DDB1: variants seen among roughly 807,000 people sequenced by gnomAD.
DDB1 encodes damage specific DNA binding protein 1.
DDB1 carries 18 observed loss-of-function variants against 133.1 expected under a neutral mutation model. The observed-to-expected ratio is 0.14, with a 90% CI of 0.09 to 0.20. The LOEUF is 0.20. DDB1 is among the 10% of genes least tolerant of loss of function. DDB1 has a pLI of 1.00. For missense variants in DDB1, 828 were observed against 1,459.2 expected (o/e 0.57, Z 7.05); for synonymous variants, 580 against 550.5 (o/e 1.05, Z -0.75).
chr11:61,314,539 C>T (rs140553731), intron 12 of DDB1, 53 bp from the exon 13 acceptor site: 2 of 1,551,114 alleles, frequency 1.3e-6, no homozygotes, highest in Admixed American at 1.9e-5. Context: ...AGGGTCCACA[C>T]AGGAGTGGAA....
intron 21 of DDB1, among the ~76,000 whole-genome samples, chr11:61,305,438 C>T (rs1326649396): frequency 6.6e-6 from 1 of 152,164 alleles, no homozygotes; most frequent in Non-Finnish European, 1.5e-5. Flanking sequence ...ACCAGGGAGT[C>T]GGAGGTTGCA....
chr11:61,319,983 G>A (rs957559395), intron 10 of DDB1, among the ~76,000 whole-genome samples: 1 of 150,036 alleles, frequency 6.7e-6, no homozygotes, highest in African/African-American at 2.5e-5. Flanking sequence ...GTACTCCTTG[G>A]TACTTAATCA....
Position 61,316,532 on chromosome 11 carries a change from T to C in DDB1, c.1261A>G (p.Thr421Ala), listed in dbSNP as rs1383439673. The change falls in exon 11 of 27, where the codon ACT (threonine) becomes GCT (alanine). Residue 421 changes from threonine (T) to alanine (A), a missense_variant. Around this residue, in one of 7 missense-constraint regions of DDB1, gnomAD observed 396 missense variants for 554.1 expected, o/e 0.71. Coordinates refer to ENST00000301764, the MANE Select transcript of DDB1 (RefSeq NM_001923.5). ...WPLRSDPNRETDDTLVLSFVG... is the reference protein window; with the variant it reads ...WPLRSDPNREADDTLVLSFVG... ...AAAGAGAGCACCAAAGTGTCATCAG[T>C]CTCACGATTAGGGTCAGACCGCAGT... The C allele has an allele frequency of 6.2e-7, 1 of 1,614,064 alleles. No homozygotes were observed. Among genetic ancestry groups the C allele is most frequent in the African/African-American group, 1.3e-5 (1 of 75,008 alleles).
Position 61,322,995 on chromosome 11 carries a change from A to G in DDB1, c.1005+16T>C, listed in dbSNP as rs1255055843. On this transcript the variant is annotated intron_variant, in intron 8 of 26. Transcript: ENST00000301764. ...GAGTACAGCAAAAAAGAAACCAGAA[A>G]CAAGTGTCTTCTCACCTTCACAAGC... 6.2e-7 allele frequency: 1 copy of G among 1,609,204 alleles called. No homozygotes were observed. The highest frequency in any genetic ancestry group is 1.7e-5 in the Admixed American group (1 of 59,286).
At position 61,327,072 on chromosome 11, in the gene DDB1, G is replaced by A; in HGVS notation, c.550-179C>T. On this transcript the variant is annotated intron_variant, in intron 4 of 26. Transcript: ENST00000301764. ...AGCTGAGCCTGGGATGAATTCCTAG[G>A]TAGACTGCAGCATCTGAGATCTACC... 5 of 606,770 alleles carry A rather than the reference G, an allele frequency of 8.2e-6. No individual in the cohort carries two copies. In the East Asian group the frequency reaches 8.6e-5, roughly 10 times the overall value. 37.6% of individuals were successfully genotyped at this position (606,770 alleles called of 1,614,324 possible).
Position 61,300,932 on chromosome 11 carries a change from G to T in DDB1, c.3216C>A (p.Phe1072Leu). 1 of 1,614,128 alleles carries T rather than the reference G, an allele frequency of 6.2e-7. No homozygotes were observed. The highest frequency in any genetic ancestry group is 8.5e-7 in the Non-Finnish European group (1 of 1,180,024). Residue 1072 changes from phenylalanine (F) to leucine (L), a missense_variant and splice_region_variant, in exon 26 of 27, where the codon TTC (phenylalanine) becomes TTA (leucine). Physicochemically the swap from Phe to Leu is conservative, Grantham distance 22. This residue lies in a region of DDB1 where 116 missense variants were observed against 221.6 expected (regional missense o/e 0.52). Transcript: ENST00000301764. ...TCCGCTCGGTGTGAAAGGATCTCCAGGTGGATGGGTGAGTTAAGGAACACG... is the reference window on the plus strand; with the variant it reads ...TCCGCTCGGTGTGAAAGGATCTCCATGTGGATGGGTGAGTTAAGGAACACG... Reference protein sequence around the residue: ...IKSVGKIEHSFWRSFHTERKT... With the variant: ...IKSVGKIEHSLWRSFHTERKT...
chr11:61,331,549 C>T lies in DDB1; in HGVS notation c.204G>A (p.Arg68=). 6.2e-7 allele frequency: 1 copy of T among 1,614,076 alleles called. No individual in the cohort carries two copies. Among genetic ancestry groups the T allele is most frequent in the Admixed American group, 1.7e-5 (1 of 60,012 alleles). Residue 68 remains arginine (R), a synonymous_variant, in exon 2 of 27, where the codon AGG becomes AGA. Transcript: ENST00000301764. ...TCCCAACTGCAACACTTACCTTGGG[C>T]CTGAAAAGCTCCATGACCGCAATCT... ...YGKIAVMELF[R]PKGESKDLLF...
chr11:61,302,187 T>C, intron 25 of DDB1, 70 bp downstream of exon 25: 2 of 1,315,876 alleles, frequency 1.5e-6, no homozygotes, highest in Admixed American at 3.4e-5. Context: ...AGCTTCCGGG[T>C]AATGTGACTC....
rs144614651 is a variant in DDB1, at chr11:61,306,270, C to T, written c.2662-2235G>A. On this transcript the variant is annotated intron_variant, in intron 21 of 26. Coordinates refer to ENST00000301764, the MANE Select transcript of DDB1 (RefSeq NM_001923.5). ...ATATCCATGGCTCTTTCCTAAGGGC[C>T]TTGTGGCCCTCTTAACTTGTCTGTT... Among the ~76,000 whole-genome samples, 765 of 152,318 alleles carry T rather than the reference C, an allele frequency of 5.0e-3. 5 individuals are homozygous for T. Among genetic ancestry groups the T allele is most frequent in the Non-Finnish European group, 6.1e-3 (415 of 68,032 alleles).
chr11:61,305,589 G>C lies in DDB1; in HGVS notation c.2662-1554C>G, dbSNP rs137946646. 8.7e-3 allele frequency among the ~76,000 whole-genome samples: 1,321 copies of C among 152,206 alleles called. 16 individuals carry two copies. The highest frequency in any genetic ancestry group is 0.03 in the African/African-American group (1,253 of 41,508). On this transcript the variant is annotated intron_variant, in intron 21 of 26. Transcript: ENST00000301764. Reference sequence around the variant, plus strand: ...TACCTCCAGAGTGCCCCGTCTTCAGGTAAGCCCACCTTGCTGGGCCTCCAC... The same window carrying C: ...TACCTCCAGAGTGCCCCGTCTTCAGCTAAGCCCACCTTGCTGGGCCTCCAC...
chr11:61,314,334 G>C lies in DDB1; in HGVS notation c.1563C>G (p.Ile521Met), dbSNP rs552424606. The change falls in exon 13 of 27, where the codon ATC becomes ATG. Residue 521 changes from isoleucine to methionine, a missense_variant. Physicochemically the swap from Ile to Met is conservative, Grantham distance 10 (BLOSUM62 1). Around this residue, in one of 7 missense-constraint regions of DDB1, gnomAD observed 396 missense variants for 554.1 expected, o/e 0.71. Transcript: ENST00000301764. ...TGATCTGCCGGAGCTCCTGAGGATG[G>C]ATCTGCAGATAGTAGAGGGCCCTGC... ...AVGRALYYLQIHPQELRQISH... is the reference protein window; with the variant it reads ...AVGRALYYLQMHPQELRQISH... The C allele has an allele frequency of 6.2e-7, 1 of 1,613,606 alleles. No homozygotes were observed.
chr11:61,309,103 G>A (rs376027507), intron 20 of DDB1, 26 bp from the exon 21 acceptor site: 2 of 1,603,428 alleles, frequency 1.2e-6, no homozygotes, highest in South Asian at 2.2e-5. Context: ...ATATGTTTGA[G>A]TCTCTATGAG....
chr11:61,328,600 C>T (rs1856308423), intron 4 of DDB1, among the ~76,000 whole-genome samples: 1 of 152,152 alleles, frequency 6.6e-6, no homozygotes, highest in Non-Finnish European at 1.5e-5. Context: ...TTGCCGAGCA[C>T]GGTGGCTCAC....
At chr11:61,319,816 T>C (rs1856149106) in intron 10 of DDB1, among the ~76,000 whole-genome samples, 2 of 152,250 alleles carry the variant, frequency 1.3e-5, no homozygotes, top group South Asian at 4.1e-4. Flanking sequence ...AAACATTGTA[T>C]ACATATTCAG....
rs28720338 is a variant in DDB1, at chr11:61,308,210, C to T, written c.2661+773G>A. Among the ~76,000 whole-genome samples the T allele has an allele frequency of 3.2e-3, 488 of 152,292 alleles. 5 individuals carry two copies. The highest frequency in any genetic ancestry group is 0.02 in the Admixed American group (311 of 15,304). ...CTCATCTCTCACCAGAACACCAGCT[C>T]AGTCCCCACAGACACCAGGCCCGCC... On this transcript the variant is annotated intron_variant, in intron 21 of 26. Coordinates refer to ENST00000301764, the MANE Select transcript of DDB1 (RefSeq NM_001923.5).
rs747443379 is a variant in DDB1, at chr11:61,302,598, C to A, written c.3096G>T (p.Thr1032=). 1.7e-5 allele frequency: 28 copies of A among 1,614,160 alleles called. No homozygotes were observed. Among genetic ancestry groups the A allele is most frequent in the Non-Finnish European group, 2.4e-5 (28 of 1,180,020 alleles). ...TGACCTTACCTATCATGCCGTTGAC[C>A]GTGCCGAAGAGCACCGAGCCTTGTG... ...TPTQGSVLFG[T]VNGMIGLVTS... The change falls in exon 24 of 27, where the codon ACG becomes ACT. Residue 1032 remains threonine, a synonymous_variant. Coordinates refer to ENST00000301764, the MANE Select transcript of DDB1 (RefSeq NM_001923.5).
intron 4 of DDB1, among the ~76,000 whole-genome samples, chr11:61,327,154 T>C (rs1169706984): frequency 6.6e-6 from 1 of 152,156 alleles, no homozygotes; most frequent in East Asian, 1.9e-4. Context: ...AATGAACTTG[T>C]CACACTGCAC....
chr11:61,306,277 C>T (rs998126190), intron 21 of DDB1, among the ~76,000 whole-genome samples: 5 of 152,208 alleles, frequency 3.3e-5, no homozygotes, highest in Non-Finnish European at 7.3e-5. Context: ...GGCCTTGTGG[C>T]CCTCTTAACT....
chr11:61,332,150 A>T, intron 1 of DDB1: 1 of 163,964 alleles, frequency 6.1e-6, no homozygotes, highest in African/African-American at 2.4e-5. Context: ...TGTTTTGTCC[A>T]CACCCCCTGC....
Sources: allele counts gnomAD v4.1 joint callset (sites outside exome capture counted in the v4.1 genomes callset), GRCh38; gene constraint gnomAD v4.1.1; regional missense constraint gnomAD v4.1.1; transcripts MANE v1.5; gene names NCBI Gene and HGNC (gene_info 2026-07-23, HGNC 2026-07-21).